DENND3: variants seen among roughly 807,000 people sequenced by gnomAD.
The protein encoded by DENND3 is DENN domain containing 3.
Under a neutral mutation model 135.1 loss-of-function variants are expected in DENND3, and 88 were observed. That is an observed-to-expected ratio of 0.65 (90% CI 0.55 to 0.78). The LOEUF (loss-of-function observed/expected upper bound fraction) is 0.78. Ranked by LOEUF, DENND3 falls within the 30% of genes least tolerant of loss-of-function variation. DENND3 has a pLI of 0.00. For synonymous variants in DENND3, 693 were observed against 712.3 expected, an observed-to-expected ratio of 0.97 and a Z score of 0.43; for missense variants, 1,392 against 1,688.4, an observed-to-expected ratio of 0.82 and a Z score of 3.08.
In DENND3 at chr8:141,180,556, A is replaced by G. The variant is rs576108266; in HGVS notation, c.2837-191A>G. On this transcript the variant is annotated intron_variant, in intron 16 of 22. Coordinates refer to ENST00000519811, the MANE Select transcript of DENND3 (RefSeq NM_001352890.3). ...GCCACTCACTCGCACACCAGGTGAC[A>G]ACCAGGAAAGGAGGCCGAGGGTGCA... Among the ~76,000 whole-genome samples, 53 of 152,270 alleles carry G rather than the reference A, an allele frequency of 3.5e-4. 1 individual carries two copies. The South Asian group carries it at 9.9e-3, about 29-fold the overall frequency.
intron 22 of DENND3, chr8:141,192,956 A>G: frequency 1.6e-6 from 2 of 1,285,012 alleles, no homozygotes; most frequent in South Asian, 1.5e-5. Context: ...TCCAAAACCA[A>G]GGTGTCGGCA....
intron 1 of DENND3, among the ~76,000 whole-genome samples, chr8:141,133,055 T>A (rs561474665): frequency 4.6e-5 from 7 of 152,146 alleles, no homozygotes; most frequent in African/African-American, 1.7e-4. Flanking sequence ...CAGGGGGTGA[T>A]GAGCTGGGAG....
chr8:141,141,056 G>A lies in DENND3; in HGVS notation c.502-147G>A, dbSNP rs539714858. The A allele has an allele frequency of 2.0e-5, 25 of 1,255,964 alleles. No homozygotes were observed. In the Admixed American group the frequency reaches 2.5e-4, roughly 13 times the overall value. 77.8% of individuals were successfully genotyped at this position (1,255,964 alleles called of 1,614,324 possible). A position where few individuals can be genotyped will look rare whatever the true frequency, so the allele number is the denominator to read the frequency against. The stretch of plus-strand genomic sequence containing the variant: ...AATAGGGACCCCGTAGACTTCGACC[G>A]GAGGGCCGGTGCTGGCTTGGACGCG... On this transcript the variant is annotated intron_variant, in intron 3 of 22. Coordinates refer to ENST00000519811, the MANE Select transcript of DENND3 (RefSeq NM_001352890.3). The surrounding 1 kb of genome is among the most constrained non-coding windows in gnomAD (Gnocchi z 5.3).
intron 22 of DENND3, 200 bp from the exon 23 acceptor site, chr8:141,193,833 C>A (rs1825090843): frequency 1.6e-6 from 1 of 612,128 alleles, no homozygotes; most frequent in South Asian, 2.0e-5. Context: ...TCCCCAGAGG[C>A]CCCTCGGCCA....
Position 141,192,507 on chromosome 8 carries a change from A to G in DENND3, c.3499-19A>G. On this transcript the variant is annotated intron_variant, in intron 21 of 22. Transcript: ENST00000519811. ...GCGTGGCCCGGGGCCCATAGCCCACACCGTGCCCTGCGTTTCAGGAGGAGC... is the reference window on the plus strand; with the variant it reads ...GCGTGGCCCGGGGCCCATAGCCCACGCCGTGCCCTGCGTTTCAGGAGGAGC... 2 of 1,606,650 alleles carry G rather than the reference A, an allele frequency of 1.2e-6. No homozygotes were observed. The highest frequency in any genetic ancestry group is 4.5e-5 in the East Asian group (2 of 44,800).
chr8:141,176,884 G>A, intron 15 of DENND3, 123 bp downstream of exon 15: 1 of 1,108,140 alleles, frequency 9.0e-7, no homozygotes, highest in Non-Finnish European at 1.3e-6. Context: ...GTCTTAAGCA[G>A]AGTAAGTTTG....
At chr8:141,150,724 GA>G (rs1343971061) in intron 5 of DENND3, 109 bp from the exon 6 acceptor site, 2 of 1,379,058 alleles carry the variant, frequency 1.5e-6, no homozygotes, top group Non-Finnish European at 9.7e-7. Flanking sequence ...TGTGTCTTCA[GA>G]AATGTTTTCT....
chr8:141,157,761 T>A, intron 8 of DENND3: 1 of 334,716 alleles, frequency 3.0e-6, no homozygotes, highest in Non-Finnish European at 4.2e-6. Flanking sequence ...AACTACCTCT[T>A]TTTTTTTTTT....
Position 141,138,715 on chromosome 8 carries a change from G to A in DENND3, c.501+578G>A, listed in dbSNP as rs1027781286. On this transcript the variant is annotated intron_variant, in intron 3 of 22. Coordinates refer to ENST00000519811, the MANE Select transcript of DENND3 (RefSeq NM_001352890.3). The surrounding 1 kb of genome is among the most constrained non-coding windows in gnomAD (Gnocchi z 4.8). ...ATCCCCTTTCTGTCTCTGGATGTAT[G>A]TATTCTGGACACTTCGTGTAAGTGG... Among the ~76,000 whole-genome samples, 5 of 152,174 alleles carry A rather than the reference G, an allele frequency of 3.3e-5. No individual in the cohort carries two copies. Among genetic ancestry groups the A allele is most frequent in the Non-Finnish European group, 5.9e-5 (4 of 68,036 alleles).
In DENND3 at chr8:141,130,297, T is replaced by C. The variant is rs1371771641; in HGVS notation, c.102+1488T>C. ...GTTGCCCAGACTCATCTCCAATTCC[T>C]GAGCTCAAGTGATCCTCCCGCCTCA... On this transcript the variant is annotated intron_variant, in intron 1 of 22. Coordinates refer to ENST00000519811, the MANE Select transcript of DENND3 (RefSeq NM_001352890.3). This position sits in a 1 kb window ranked among gnomAD's most constrained non-coding sequence, Gnocchi z 4.2. 6.6e-6 allele frequency among the ~76,000 whole-genome samples: 1 copy of C among 152,206 alleles called. No homozygotes were observed.
chr8:141,159,563 C>A (rs1268054780), intron 8 of DENND3, among the ~76,000 whole-genome samples: 1 of 152,214 alleles, frequency 6.6e-6, no homozygotes, highest in East Asian at 1.9e-4. Context: ...TGATTTGTCT[C>A]TTTTCCTACT....
intron 16 of DENND3, among the ~76,000 whole-genome samples, chr8:141,178,892 G>A (rs1822742854): frequency 6.6e-6 from 1 of 152,210 alleles, no homozygotes; most frequent in African/African-American, 2.4e-5. Context: ...ACACCGTTTG[G>A]GTGAAGGACG....
At chr8:141,189,717 CG>C (rs1398101699) in intron 19 of DENND3, among the ~76,000 whole-genome samples, 3 of 152,154 alleles carry the variant, frequency 2.0e-5, no homozygotes, top group Non-Finnish European at 4.4e-5. Flanking sequence ...GACTTAGTGT[CG>C]GGGGCGCCTG....
chr8:141,184,412 G>C (rs1380371284), intron 17 of DENND3: 5 of 151,994 alleles, frequency 3.3e-5, no homozygotes, highest in African/African-American at 1.2e-4. Flanking sequence ...GGTTTGCTGT[G>C]ATCGCACCTG....
Position 141,175,219 on chromosome 8 carries a change from C to G in DENND3, c.2295C>G (p.Asp765Glu). ...ALTVGQEKQI[D>E]PETFKDFYNC... ...ACTAAGGACAGGAGAAACAAATCGA[C>G]CCAGAAACATTCAAAGATTTCTACA... Residue 765 changes from aspartate (D) to glutamate (E), a missense_variant, in exon 14 of 23, where the codon GAC (aspartate) becomes GAG (glutamate). By Grantham distance (45) the Asp-to-Glu change is conservative. Coordinates refer to ENST00000519811, the MANE Select transcript of DENND3 (RefSeq NM_001352890.3). The surrounding 1 kb of genome is among the most constrained non-coding windows in gnomAD (Gnocchi z 5.4). 1 of 1,613,972 alleles carries G rather than the reference C, an allele frequency of 6.2e-7. No individual in the cohort carries two copies. The highest frequency in any genetic ancestry group is 8.5e-7 in the Non-Finnish European group (1 of 1,179,910).
intron 17 of DENND3, 70 bp from the exon 18 acceptor site, chr8:141,185,069 G>C (rs932790035): frequency 1.9e-6 from 3 of 1,555,698 alleles, no homozygotes; most frequent in Admixed American, 3.6e-5. Flanking sequence ...ACCTGAGTAA[G>C]GGCACCAGTC....
Position 141,192,565 on chromosome 8 carries a change from G to C in DENND3, c.3538G>C (p.Val1180Leu). ...LWAACAGRSEVYIWSLKDLAQ... is the reference protein window; with the variant it reads ...LWAACAGRSELYIWSLKDLAQ... ...GGCGGCCTGTGCAGGACGCAGCGAG[G>C]TTTACATCTGGAGCCTGAAGGACCT... is the stretch of plus-strand genomic sequence containing the variant. Residue 1180 changes from valine to leucine, a missense_variant, in exon 22 of 23, where the codon GTT becomes CTT. Physicochemically the swap from Val to Leu is conservative, Grantham distance 32. Transcript: ENST00000519811. 1 of 1,581,416 alleles carries C rather than the reference G, an allele frequency of 6.3e-7. No individual in the cohort carries two copies. Among genetic ancestry groups the C allele is most frequent in the South Asian group, 1.2e-5 (1 of 86,400 alleles).
In DENND3 at chr8:141,175,169, G is replaced by A. The variant is rs759887317; in HGVS notation, c.2276-31G>A. The A allele has an allele frequency of 6.3e-7, 1 of 1,594,922 alleles. No homozygotes were observed. The highest frequency in any genetic ancestry group is 1.7e-5 in the Admixed American group (1 of 57,892). ...GGGCTCCCGAGGTATGTGGCTGTAA[G>A]ATACCTCTCTTTTCTTCTTATCAAA... On this transcript the variant is annotated intron_variant, in intron 13 of 22. Coordinates refer to ENST00000519811, the MANE Select transcript of DENND3 (RefSeq NM_001352890.3). This position sits in a 1 kb window ranked among gnomAD's most constrained non-coding sequence, Gnocchi z 5.4.
At chr8:141,134,573 G>A (rs980587261) in intron 1 of DENND3, among the ~76,000 whole-genome samples, 27 of 151,960 alleles carry the variant, frequency 1.8e-4, no homozygotes, top group African/African-American at 6.0e-4. Flanking sequence ...GCTCCCAGTC[G>A]GATTTCCCAT....
Sources: gnomAD v4.1 joint callset for allele counts (sites outside exome capture counted in the v4.1 genomes callset) on GRCh38, gnomAD v4.1.1 for gene constraint, Gnocchi (gnomAD v3.1) non-coding constraint, MANE v1.5 for transcripts, NCBI Gene and HGNC (gene_info 2026-07-23, HGNC 2026-07-21) for gene names.